CYB5R2: variants seen among roughly 807,000 people sequenced by gnomAD.
CYB5R2 encodes NADH-cytochrome b5 reductase 2.
In CYB5R2, 35 loss-of-function variants were observed where a neutral mutation model predicts 29.8. The ratio of observed to expected loss-of-function variants is 1.17; its 90% CI spans 0.90 to 1.56. The LOEUF (loss-of-function observed/expected upper bound fraction) is 1.56. Ranked by LOEUF, CYB5R2 falls within the 40% of genes most tolerant of loss-of-function variation. The pLI, the probability that CYB5R2 is intolerant of heterozygous loss-of-function variation, is 0.00. For synonymous variants in CYB5R2, 169 were observed against 130.6 expected (o/e 1.29, Z -2.01); for missense variants, 419 against 346.7 (o/e 1.21, Z -1.66).
upstream of CYB5R2, chr11:7,674,071 T>G: frequency 1.1e-5 from 13 of 1,192,282 alleles, no homozygotes; most frequent in Non-Finnish European, 1.4e-5. Flanking sequence ...GCCCCTTCCC[T>G]GCACACGCAG....
intron 8 of CYB5R2, chr11:7,665,972 G>T: frequency 2.0e-6 from 3 of 1,478,760 alleles, no homozygotes; most frequent in African/African-American, 1.4e-5. Context: ...CGGGAGCAGT[G>T]TGAGAGGCGC....
At chr11:7,669,384 GC>G in intron 4 of CYB5R2, 50 bp from the exon 5 acceptor site, 1 of 1,564,688 alleles carries the variant, frequency 6.4e-7, no homozygotes, top group South Asian at 1.2e-5. Flanking sequence ...CAATGCCACA[GC>G]CACGTACAAC....
chr11:7,667,882 A>C, intron 6 of CYB5R2, 69 bp from the exon 7 acceptor site: 1 of 1,266,958 alleles, frequency 7.9e-7, no homozygotes, highest in Non-Finnish European at 1.2e-6. Flanking sequence ...GACCTGCAGC[A>C]AGCTTCATAC....
At chr11:7,670,780 G>T (rs1855682460) in intron 3 of CYB5R2, 1 of 152,248 alleles carries the variant, frequency 6.6e-6, no homozygotes, top group Non-Finnish European at 1.5e-5. Flanking sequence ...GCAATTAGTG[G>T]CAGGGACAGG....
chr11:7,668,951 T>C, intron 5 of CYB5R2: 1 of 637,952 alleles, frequency 1.6e-6, no homozygotes, highest in Non-Finnish European at 2.9e-6. Flanking sequence ...CATTTATGTA[T>C]CAGGCATTGT....
Position 7,672,911 on chromosome 11 carries a change from C to G in CYB5R2, c.-66-20G>C. Reference sequence around the variant, plus strand: ...CGGGTCCTGGCAGACACAATGTGAACAGAGCACCTCAGGTCTTGCCCGCCC... The same window carrying G: ...CGGGTCCTGGCAGACACAATGTGAAGAGAGCACCTCAGGTCTTGCCCGCCC... On this transcript the variant is annotated intron_variant, in intron 1 of 8. Transcript: ENST00000299498. The G allele has an allele frequency of 1.2e-6, 2 of 1,600,934 alleles. No homozygotes were observed. The highest frequency in any genetic ancestry group is 1.7e-6 in the Non-Finnish European group (2 of 1,173,506).
chr11:7,665,569 G>A lies in CYB5R2; in HGVS notation c.659-23C>T, dbSNP rs959750936. 5 of 1,578,544 alleles carry A rather than the reference G, an allele frequency of 3.2e-6. No individual in the cohort carries two copies. In the South Asian group the frequency reaches 4.8e-5, roughly 15 times the overall value. On this transcript the variant is annotated intron_variant, in intron 8 of 8. Coordinates refer to ENST00000299498, the MANE Select transcript of CYB5R2 (RefSeq NM_016229.5). ...AGCCTGAAATGAAGGAGATGCAGGAGCAAGCTGAGCGATGCCAGGTGGAGT... is the reference window on the plus strand; with the variant it reads ...AGCCTGAAATGAAGGAGATGCAGGAACAAGCTGAGCGATGCCAGGTGGAGT...
At chr11:7,672,552 G>C in intron 2 of CYB5R2, 29 bp from the exon 3 acceptor site, 2 of 1,611,456 alleles carry the variant, frequency 1.2e-6, no homozygotes, top group Non-Finnish European at 1.7e-6. Context: ...GGCAGGTTCT[G>C]TCAGCTTTCT....
rs773163882 is a variant in CYB5R2 at position 7,666,580 on chromosome 11, C to T, written c.559-30G>A. 1.2e-5 allele frequency: 19 copies of T among 1,532,466 alleles called. No homozygotes were observed. In the African/African-American group the frequency reaches 2.0e-4, roughly 17 times the overall value. 94.9% of individuals were successfully genotyped at this position (1,532,466 alleles called of 1,614,324 possible). On this transcript the variant is annotated intron_variant, in intron 7 of 8. Transcript: ENST00000299498. Reference sequence around the variant, plus strand: ...AAAAGAAGCAACACTGAAAAAGCCCCTCCAGGGCCATCCTCTTGTTCCCTG... The same window carrying T: ...AAAAGAAGCAACACTGAAAAAGCCCTTCCAGGGCCATCCTCTTGTTCCCTG...
chr11:7,665,854 T>G lies in CYB5R2; in HGVS notation c.659-308A>C, dbSNP rs766016947. 3.9e-6 allele frequency: 6 copies of G among 1,536,018 alleles called. No homozygotes were observed. The South Asian group carries it at 7.1e-5, about 18-fold the overall frequency. On this transcript the variant is annotated intron_variant, in intron 8 of 8. Coordinates refer to ENST00000299498, the MANE Select transcript of CYB5R2 (RefSeq NM_016229.5). ...AGGTGTGTGAATCAGTACAGCCAGC[T>G]GGAGTTGTCCGGCAGGGTGTGGCCT...
chr11:7,665,150 G>A lies in CYB5R2; in HGVS notation c.*224C>T. On this transcript the variant is annotated 3_prime_UTR_variant, in exon 9 of 9. Coordinates refer to ENST00000299498, the MANE Select transcript of CYB5R2 (RefSeq NM_016229.5). Reference sequence around the variant, plus strand: ...TCACAAAACCACGGAGAAAGATACTGAAATGGAGCTCTTTCCAGCCTCCAA... The same window carrying A: ...TCACAAAACCACGGAGAAAGATACTAAAATGGAGCTCTTTCCAGCCTCCAA... 9.1e-6 allele frequency: 4 copies of A among 438,246 alleles called. No homozygotes were observed. The highest frequency in any genetic ancestry group is 6.0e-4 in the Middle Eastern group (1 of 1,680). The allele number at this position is 438,246 out of a possible 1,614,324, so 27.1% of individuals were successfully genotyped here.
At position 7,665,335 on chromosome 11, in the gene CYB5R2, T is replaced by A. The variant is rs748761078; in HGVS notation, c.*39A>T. ...GAAATTGAACTTACTCTGAAACAGA[T>A]GAAAAGGGACATGCAAAATTGCTGA... On this transcript the variant is annotated 3_prime_UTR_variant, in exon 9 of 9. Coordinates refer to ENST00000299498, the MANE Select transcript of CYB5R2 (RefSeq NM_016229.5). The A allele has an allele frequency of 1.4e-6, 2 of 1,452,200 alleles. No individual in the cohort carries two copies. Among genetic ancestry groups the A allele is most frequent in the South Asian group, 2.9e-5 (2 of 70,012 alleles). The allele number at this position is 1,452,200 out of a possible 1,614,324, so 90.0% of individuals were successfully genotyped here.
intron 5 of CYB5R2, chr11:7,668,769 C>G: frequency 1.6e-6 from 1 of 611,076 alleles, no homozygotes; most frequent in Non-Finnish European, 2.9e-6. Flanking sequence ...TGGGCTTGGT[C>G]GGGGAATCGC....
intron 3 of CYB5R2, chr11:7,672,168 G>C (rs879483510): frequency 2.5e-6 from 1 of 406,466 alleles, no homozygotes; most frequent in East Asian, 3.9e-5. Flanking sequence ...AAGTTCCCCA[G>C]CAAGGAGCCT....
intron 6 of CYB5R2, 75 bp downstream of exon 6, chr11:7,668,403 G>C (rs75845221): frequency 3.5e-6 from 4 of 1,158,626 alleles, no homozygotes; most frequent in Non-Finnish European, 5.2e-6. Flanking sequence ...TTGTCCCTTA[G>C]AGGATCAAAT....
intron 3 of CYB5R2, chr11:7,672,142 T>C (rs1045784934): frequency 8.6e-6 from 3 of 350,562 alleles, no homozygotes; most frequent in East Asian, 4.8e-5. Flanking sequence ...CTCAGAGAGA[T>C]TGAAGGACTT....
chr11:7,665,967 G>T, intron 8 of CYB5R2: 2 of 1,511,056 alleles, frequency 1.3e-6, no homozygotes, highest in Non-Finnish European at 1.8e-6. Context: ...ACAGCCGGGA[G>T]CAGTGTGAGA....
At chr11:7,673,610 C>A (rs1007656221), upstream of CYB5R2, 9 of 985,350 alleles carry the variant, frequency 9.1e-6, no homozygotes, top group African/African-American at 7.0e-5. Flanking sequence ...GTCGGACGTT[C>A]GTTCCCGGCT....
chr11:7,666,685 C>A (rs890142873), intron 7 of CYB5R2, 135 bp from the exon 8 acceptor site: 3 of 582,962 alleles, frequency 5.1e-6, no homozygotes, highest in Admixed American at 3.0e-5. Flanking sequence ...ACTCCCACGG[C>A]AAACAAGAGT....
Sources: allele counts gnomAD v4.1 joint callset, GRCh38; gene constraint gnomAD v4.1.1; transcripts MANE v1.5; gene names NCBI Gene and HGNC (gene_info 2026-07-23, HGNC 2026-07-21).